ZNF462: variants seen among roughly 807,000 people sequenced by gnomAD.
The protein encoded by ZNF462 is zinc finger PBX1-interacting protein.
ZNF462 carries 10 observed loss-of-function variants against 201.9 expected under a neutral mutation model. That is an observed-to-expected ratio of 0.05 (90% CI 0.03 to 0.08). ZNF462 has a LOEUF of 0.08. Ranked by LOEUF, ZNF462 falls within the 10% of genes least tolerant of loss-of-function variation. The pLI is 1.00. For synonymous variants in ZNF462, 1,227 were observed against 1,193.3 expected, an observed-to-expected ratio of 1.03 and a Z score of -0.58; for missense variants, 2,523 against 3,168.3, an observed-to-expected ratio of 0.80 and a Z score of 4.89.
At position 107,009,574 on chromosome 9, in the gene ZNF462, G is replaced by T. The variant is rs1191105195; in HGVS notation, c.7219G>T (p.Ala2407Ser). The T allele has an allele frequency of 6.2e-7, 1 of 1,613,864 alleles. No homozygotes were observed. The highest frequency in any genetic ancestry group is 8.5e-7 in the Non-Finnish European group (1 of 1,179,942). The change falls in exon 12 of 13, where the codon GCT becomes TCT. Residue 2407 changes from alanine to serine, a missense_variant. Ala to Ser is a moderately conservative substitution (Grantham distance 99, BLOSUM62 1). Transcript: ENST00000277225. The surrounding 1 kb of genome is among the most constrained non-coding windows in gnomAD (Gnocchi z 6.1). Reference sequence around the variant, plus strand: ...GATGAGATTTTCTGACCACGGGGCTGCTCTTAACACTGAGAAGCGTTTTCC... The same window carrying T: ...GATGAGATTTTCTGACCACGGGGCTTCTCTTAACACTGAGAAGCGTTTTCC... ...ELMRFSDHGA[A>S]LNTEKRFPCE...
rs371764166 is a variant in ZNF462 at position 106,928,151 on chromosome 9, G to A, written c.4239G>A (p.Val1413=). ...LLDIIKEKDA[V]EKPILSSEEL... is the part of the protein sequence containing the mutation. Reference sequence around the variant, plus strand: ...ACATCATCAAGGAGAAAGATGCTGTGGAGAAGCCCATTCTTTCATCCGAAG... The same window carrying A: ...ACATCATCAAGGAGAAAGATGCTGTAGAGAAGCCCATTCTTTCATCCGAAG... Residue 1413 remains valine (V), a synonymous_variant, in exon 3 of 13, where the codon GTG becomes GTA. Coordinates refer to ENST00000277225, the MANE Select transcript of ZNF462 (RefSeq NM_021224.6). This position sits in a 1 kb window ranked among gnomAD's most constrained non-coding sequence, Gnocchi z 9.3. The A allele has an allele frequency of 7.5e-5, 121 of 1,614,054 alleles. No individual in the cohort carries two copies. Among genetic ancestry groups the A allele is most frequent in the Admixed American group, 2.2e-4 (13 of 60,004 alleles).
intron 9 of ZNF462, among the ~76,000 whole-genome samples, chr9:106,983,371 C>A (rs1056418866): frequency 6.6e-6 from 1 of 152,178 alleles, no homozygotes; most frequent in African/African-American, 2.4e-5. Context: ...AACCCCACCT[C>A]CCCCGATTGT....
In ZNF462 at chr9:106,935,150, GGCTTGGC is replaced by G. The variant is rs1830579927; in HGVS notation, c.6117-352_6117-346del. Among the ~76,000 whole-genome samples the G allele has an allele frequency of 6.6e-6, 1 of 152,144 alleles. No individual in the cohort carries two copies. Among genetic ancestry groups the G allele is most frequent in the Non-Finnish European group, 1.5e-5 (1 of 68,024 alleles). Reference sequence around the variant, plus strand: ...GGACTAATTGATAGGCACTCTCACTGGCTTGGCAGGAAGCTTGAATTCACCCATATTG... The same window carrying G: ...GGACTAATTGATAGGCACTCTCACTGAGGAAGCTTGAATTCACCCATATTG... On this transcript the variant is annotated intron_variant, in intron 5 of 12. Coordinates refer to ENST00000277225, the MANE Select transcript of ZNF462 (RefSeq NM_021224.6). This position sits in a 1 kb window ranked among gnomAD's most constrained non-coding sequence, Gnocchi z 4.1.
Position 106,914,173 on chromosome 9 carries a change from C to G in ZNF462, c.-30-9181C>G, listed in dbSNP as rs889654097. ...TCTAAAATCTTGGACCTGGGCTCTC[C>G]CAGGTTGTTGACCCTCTAAGGATCC... On this transcript the variant is annotated intron_variant, in intron 1 of 12. Transcript: ENST00000277225. 4.8e-5 allele frequency among the ~76,000 whole-genome samples: 7 copies of G among 146,728 alleles called. 1 individual carries two copies. Among genetic ancestry groups the G allele is most frequent in the Non-Finnish European group, 1.1e-4 (7 of 65,176 alleles).
rs775535929 is a variant in ZNF462, at chr9:106,927,802, C to G, written c.3890C>G (p.Ser1297Cys). 5.0e-6 allele frequency: 8 copies of G among 1,614,140 alleles called. No homozygotes were observed. The highest frequency in any genetic ancestry group is 6.8e-6 in the Non-Finnish European group (8 of 1,180,034). ...CCCGCCCTGAAAGCCACAGTCACGT[C>G]CATCATGCGATGGGCATTTCTAGAT... ...DHPALKATVT[S>C]IMRWAFLDGL... Residue 1297 changes from serine (S) to cysteine (C), a missense_variant, in exon 3 of 13, where the codon TCC (serine) becomes TGC (cysteine). By Grantham distance (112) the Ser-to-Cys change is moderately radical (BLOSUM62 -1). Around this residue, in one of 15 missense-constraint regions of ZNF462, gnomAD observed 222 missense variants for 271.6 expected, o/e 0.82. Transcript: ENST00000277225.
chr9:106,921,951 A>G (rs1830010278), intron 1 of ZNF462, among the ~76,000 whole-genome samples: 2 of 152,200 alleles, frequency 1.3e-5, no homozygotes, highest in African/African-American at 2.4e-5. Context: ...GAGGAGGTAA[A>G]TATCTGCGGC....
Position 106,872,032 on chromosome 9 carries a change from A to G in ZNF462, c.-31+8677A>G, listed in dbSNP as rs1046141617. ...TCTGTCCTTCCAGTCCCAGCATTTT[A>G]AAATCCAAAATAAGGCCACTGTGGT... On this transcript the variant is annotated intron_variant, in intron 1 of 12. Coordinates refer to ENST00000277225, the MANE Select transcript of ZNF462 (RefSeq NM_021224.6). The surrounding 1 kb of genome is among the most constrained non-coding windows in gnomAD (Gnocchi z 4.5). Among the ~76,000 whole-genome samples, 1 of 152,204 alleles carries G rather than the reference A, an allele frequency of 6.6e-6. No homozygotes were observed. Among genetic ancestry groups the G allele is most frequent in the Non-Finnish European group, 1.5e-5 (1 of 68,024 alleles).
chr9:106,915,201 G>T (rs1018427056), intron 1 of ZNF462, among the ~76,000 whole-genome samples: 12 of 139,522 alleles, frequency 8.6e-5, no homozygotes, highest in African/African-American at 2.6e-4. Flanking sequence ...ATTTCTGTAT[G>T]TTTTTTTTTT....
Position 106,925,059 on chromosome 9 carries a change from C to G in ZNF462, c.1147C>G (p.Leu383Val), listed in dbSNP as rs777823445. ...TGCTGACCTGGAAACTAACAGCATGCTAAATGACTCTAGTTCTGATGAAGA... is the reference window on the plus strand; with the variant it reads ...TGCTGACCTGGAAACTAACAGCATGGTAAATGACTCTAGTTCTGATGAAGA... ...SSADLETNSM[L>V]NDSSSDEELN... The change falls in exon 3 of 13, where the codon CTA becomes GTA. Residue 383 changes from leucine (L) to valine (V), a missense_variant. By Grantham distance (32) the Leu-to-Val change is conservative (BLOSUM62 1). This residue lies in a region of ZNF462 where 480 missense variants were observed against 544.4 expected (regional missense o/e 0.88). Coordinates refer to ENST00000277225, the MANE Select transcript of ZNF462 (RefSeq NM_021224.6). This position sits in a 1 kb window ranked among gnomAD's most constrained non-coding sequence, Gnocchi z 7.9. 1 of 1,614,142 alleles carries G rather than the reference C, an allele frequency of 6.2e-7. No homozygotes were observed. Among genetic ancestry groups the G allele is most frequent in the South Asian group, 1.1e-5 (1 of 91,068 alleles).
rs183821936 is a variant in ZNF462, at chr9:107,002,439, G to A, written c.7057-855G>A. On this transcript the variant is annotated intron_variant, in intron 10 of 12. Coordinates refer to ENST00000277225, the MANE Select transcript of ZNF462 (RefSeq NM_021224.6). ...GCCTGAACATTCTATGCATGCAACTGGAGAGGTTCTGAAAATCGATTCATG... is the reference window on the plus strand; with the variant it reads ...GCCTGAACATTCTATGCATGCAACTAGAGAGGTTCTGAAAATCGATTCATG... Among the ~76,000 whole-genome samples the A allele has an allele frequency of 1.8e-3, 276 of 152,240 alleles. 1 individual carries two copies. Among genetic ancestry groups the A allele is most frequent in the Middle Eastern group, 3.4e-3 (1 of 294 alleles).
chr9:106,903,359 T>G (rs1221522103), intron 1 of ZNF462, among the ~76,000 whole-genome samples: 2 of 152,172 alleles, frequency 1.3e-5, no homozygotes, highest in African/African-American at 4.8e-5. Context: ...ATGGTCTATC[T>G]TGGAGAACAT....
In ZNF462 at chr9:106,970,926, G is replaced by A. The variant is rs368223892; in HGVS notation, c.6428-1079G>A. ...CCACCGCATGCCATTGAAGCTTCTC[G>A]GGGTTAAGATTTGTGCCTGTCATTT... On this transcript the variant is annotated intron_variant, in intron 7 of 12. Coordinates refer to ENST00000277225, the MANE Select transcript of ZNF462 (RefSeq NM_021224.6). The surrounding 1 kb of genome is among the most constrained non-coding windows in gnomAD (Gnocchi z 4.2). 4.0e-5 allele frequency among the ~76,000 whole-genome samples: 6 copies of A among 151,130 alleles called. No homozygotes were observed. The highest frequency in any genetic ancestry group is 1.5e-4 in the African/African-American group (6 of 41,046).
At chr9:106,863,862 C>G (rs1440419787) in intron 1 of ZNF462, among the ~76,000 whole-genome samples, 1 of 151,732 alleles carries the variant, frequency 6.6e-6, no homozygotes, top group Non-Finnish European at 1.5e-5. Context: ...AGCCGAGAGC[C>G]AGAGGGAGCG....
rs150780618 is a variant in ZNF462 at position 106,926,631 on chromosome 9, G to A, written c.2719G>A (p.Glu907Lys). ...NFEDLQQHYG[E>K]HHPEAMNVLN... ...CGAAGATCTCCAGCAGCATTATGGC[G>A]AGCACCACCCAGAAGCCATGAATGT... The change falls in exon 3 of 13, where the codon GAG (glutamate) becomes AAG (lysine). Residue 907 changes from glutamate (E) to lysine (K), a missense_variant. Glu to Lys is a moderately conservative substitution (Grantham distance 56). Transcript: ENST00000277225. This position sits in a 1 kb window ranked among gnomAD's most constrained non-coding sequence, Gnocchi z 7.9. 2.4e-4 allele frequency: 395 copies of A among 1,613,894 alleles called. 1 individual carries two copies. The highest frequency in any genetic ancestry group is 8.7e-4 in the Admixed American group (52 of 60,004).
intron 10 of ZNF462, among the ~76,000 whole-genome samples, chr9:106,988,700 G>A (rs968719559): frequency 1.5e-4 from 23 of 152,106 alleles, no homozygotes; most frequent in Admixed American, 2.6e-4. Context: ...TGTTTGTGTC[G>A]TCTACGATTT....
Position 106,984,432 on chromosome 9 carries a change from C to A in ZNF462, c.7056+23C>A, listed in dbSNP as rs374572198. ...AAGGTACTTACCAGGACTTCCTGCTCCCGCCTCAGCACACTTGTGGGGAGG... is the reference window on the plus strand; with the variant it reads ...AAGGTACTTACCAGGACTTCCTGCTACCGCCTCAGCACACTTGTGGGGAGG... On this transcript the variant is annotated intron_variant, in intron 10 of 12. Coordinates refer to ENST00000277225, the MANE Select transcript of ZNF462 (RefSeq NM_021224.6). This position sits in a 1 kb window ranked among gnomAD's most constrained non-coding sequence, Gnocchi z 6.4. 8 of 1,589,814 alleles carry A rather than the reference C, an allele frequency of 5.0e-6. No homozygotes were observed. Among genetic ancestry groups the A allele is most frequent in the Non-Finnish European group, 6.0e-6 (7 of 1,166,768 alleles).
intron 1 of ZNF462, among the ~76,000 whole-genome samples, chr9:106,900,373 A>G (rs1353099837): frequency 1.3e-5 from 2 of 151,904 alleles, no homozygotes; most frequent in Non-Finnish European, 2.9e-5. Context: ...TCGAATAATG[A>G]CTTCATTTCC....
intron 1 of ZNF462, among the ~76,000 whole-genome samples, chr9:106,892,852 G>A (rs1169738134): frequency 1.3e-5 from 2 of 152,066 alleles, no homozygotes; most frequent in Non-Finnish European, 2.9e-5. Context: ...ACCCTTAATG[G>A]ATTCCACAGC....
intron 1 of ZNF462, among the ~76,000 whole-genome samples, chr9:106,896,485 G>T (rs891406138): frequency 6.6e-6 from 1 of 152,140 alleles, no homozygotes; most frequent in Non-Finnish European, 1.5e-5. Flanking sequence ...CCTAATCTCG[G>T]TTGCAGGATG....
Sources: gnomAD v4.1 joint callset for allele counts (sites outside exome capture counted in the v4.1 genomes callset) on GRCh38, gnomAD v4.1.1 for gene constraint, gnomAD v4.1.1 regional missense constraint, Gnocchi (gnomAD v3.1) non-coding constraint, MANE v1.5 for transcripts, NCBI Gene and HGNC (gene_info 2026-07-23, HGNC 2026-07-21) for gene names.